RANBP2: variants seen among roughly 807,000 people sequenced by gnomAD.
RANBP2 encodes the protein RAN binding protein 2, also known as E3 SUMO-protein ligase RanBP2.
RANBP2 carries 57 observed loss-of-function variants against 303.6 expected under a neutral mutation model. The ratio of observed to expected loss-of-function variants is 0.19; its 90% CI spans 0.15 to 0.23. RANBP2 has a LOEUF of 0.23. RANBP2 is among the 10% of genes least tolerant of loss of function. The pLI is 1.00. For missense variants in RANBP2, 3,138 were observed against 3,780.8 expected (o/e 0.83, Z 4.46); for synonymous variants, 1,167 against 1,301.5 (o/e 0.90, Z 2.23).
At chr2:109,203,418 C>G in the RANBP2 span, among the ~76,000 whole-genome samples, 1 of 152,208 alleles carries the variant, frequency 6.6e-6, no homozygotes, top group African/African-American at 2.4e-5. Flanking sequence ...GAGCGCATCA[C>G]CTGTGGTCAG....
chr2:108,781,141 A>T, intron 25 of RANBP2, 128 bp from the exon 26 acceptor site: 1 of 1,034,584 alleles, frequency 9.7e-7, no homozygotes, highest in Non-Finnish European at 1.4e-6. Context: ...AGAATAATAT[A>T]ATTTTAAACA....
At chr2:109,690,285 A>G in the RANBP2 span, among the ~76,000 whole-genome samples, 1 of 152,190 alleles carries the variant, frequency 6.6e-6, no homozygotes, top group Non-Finnish European at 1.5e-5. Context: ...TTCGGTCTGG[A>G]AAAGCGGGAC....
chr2:109,271,996 A>C, the RANBP2 span, among the ~76,000 whole-genome samples: 1 of 152,282 alleles, frequency 6.6e-6, no homozygotes, highest in African/African-American at 2.4e-5. Context: ...CTTTGGGTAC[A>C]TCTGGTATGG....
the RANBP2 span, among the ~76,000 whole-genome samples, chr2:108,946,871 G>A: frequency 2.3e-4 from 34 of 149,638 alleles, no homozygotes; most frequent in South Asian, 2.1e-4. Context: ...ACCTTATTCC[G>A]CCCCTGGTCC....
chr2:108,960,358 T>C, the RANBP2 span, among the ~76,000 whole-genome samples: 1 of 152,196 alleles, frequency 6.6e-6, no homozygotes, highest in Non-Finnish European at 1.5e-5. Context: ...TGGAGGGTGG[T>C]CTATGTTCTC....
the RANBP2 span, among the ~76,000 whole-genome samples, chr2:109,170,238 T>TC: frequency 1.8e-4 from 7 of 39,334 alleles, no homozygotes; most frequent in African/African-American, 8.7e-4. Context: ...TCTTCTCTTC[T>TC]TTTCTTTTCT....
the RANBP2 span, among the ~76,000 whole-genome samples, chr2:109,741,305 A>G: frequency 2.6e-5 from 4 of 152,222 alleles, no homozygotes; most frequent in East Asian, 7.7e-4. Flanking sequence ...AATAAAAGTC[A>G]TGATTATATG....
the RANBP2 span, among the ~76,000 whole-genome samples, chr2:109,695,882 G>A: frequency 6.6e-6 from 1 of 152,062 alleles, no homozygotes; most frequent in Non-Finnish European, 1.5e-5. Context: ...TAGTTAGGGA[G>A]GACAGGATTT....
At chr2:109,613,423 C>G in the RANBP2 span, 19 of 312,096 alleles carry the variant, frequency 6.1e-5, no homozygotes, top group Admixed American at 3.4e-4. Flanking sequence ...GTGCTCACGG[C>G]TGCAAAAGAT....
chr2:108,936,475 G>T, the RANBP2 span, among the ~76,000 whole-genome samples: 3 of 42,652 alleles, frequency 7.0e-5, no homozygotes, highest in Non-Finnish European at 2.7e-4. Flanking sequence ...CACAGAGCTG[G>T]CTGCGGGCTC....
chr2:109,013,738 C>A, the RANBP2 span, among the ~76,000 whole-genome samples: 1 of 152,074 alleles, frequency 6.6e-6, no homozygotes, highest in African/African-American at 2.4e-5. Flanking sequence ...CGCCACCACC[C>A]CTGGCTAATT....
chr2:109,501,367 A>T, the RANBP2 span: 3 of 508,916 alleles, frequency 5.9e-6, no homozygotes, highest in East Asian at 8.8e-5. Context: ...AATTAAAAAT[A>T]AAGATAAATA....
Position 108,755,044 on chromosome 2 carries a change from C to T in RANBP2, c.2342C>T (p.Ser781Phe). 1 of 1,611,946 alleles carries T rather than the reference C, an allele frequency of 6.2e-7. No homozygotes were observed. Among genetic ancestry groups the T allele is most frequent in the Non-Finnish European group, 8.5e-7 (1 of 1,179,834 alleles). Reference sequence around the variant, plus strand: ...TCAGAAATAAAACATTCTACACCGTCTCCTACCAGATATTCACTATCACCA... The same window carrying T: ...TCAGAAATAAAACATTCTACACCGTTTCCTACCAGATATTCACTATCACCA... ...ADSEIKHSTP[S>F]PTRYSLSPSK... The change falls in exon 16 of 29, where the codon TCT (serine) becomes TTT (phenylalanine). Residue 781 changes from serine to phenylalanine, a missense_variant. By Grantham distance (155) the Ser-to-Phe change is radical. This residue lies in a region of RANBP2 where 194 missense variants were observed against 197.4 expected (regional missense o/e 0.98). Transcript: ENST00000283195.
At chr2:109,695,856 A>G in the RANBP2 span, among the ~76,000 whole-genome samples, 1 of 152,102 alleles carries the variant, frequency 6.6e-6, no homozygotes, top group Non-Finnish European at 1.5e-5. Flanking sequence ...GTTAGGCCAC[A>G]GTTTTCTCAG....
At chr2:108,857,263 G>C in the RANBP2 span, among the ~76,000 whole-genome samples, 1 of 151,862 alleles carries the variant, frequency 6.6e-6, no homozygotes, top group South Asian at 2.1e-4. Flanking sequence ...ATTTTTGGTA[G>C]AGACGGGGTT....
chr2:109,427,874 G>A, the RANBP2 span, among the ~76,000 whole-genome samples: 2 of 152,244 alleles, frequency 1.3e-5, no homozygotes, highest in African/African-American at 2.4e-5. Flanking sequence ...CAGTGCTCCC[G>A]GAGCTGGCCA....
the RANBP2 span, among the ~76,000 whole-genome samples, chr2:109,048,654 C>CTT: frequency 6.6e-6 from 1 of 151,918 alleles, no homozygotes; most frequent in African/African-American, 2.4e-5. Flanking sequence ...TAAAATCAAT[C>CTT]TTTTTTTGGA....
At chr2:109,065,636 G>A in the RANBP2 span, among the ~76,000 whole-genome samples, 1 of 152,212 alleles carries the variant, frequency 6.6e-6, no homozygotes, top group African/African-American at 2.4e-5. Flanking sequence ...TGTAGTGGCT[G>A]TTTAAAGATC....
the RANBP2 span, chr2:109,585,397 G>T: frequency 8.0e-7 from 1 of 1,248,982 alleles, no homozygotes. Context: ...GCCTAGAGTG[G>T]TTTCAAAGAT....
Sources: allele counts gnomAD v4.1 joint callset (sites outside exome capture counted in the v4.1 genomes callset), GRCh38; gene constraint gnomAD v4.1.1; regional missense constraint gnomAD v4.1.1; transcripts MANE v1.5; gene names NCBI Gene and HGNC (gene_info 2026-07-23, HGNC 2026-07-21).